RADIL: variants seen among roughly 807,000 people sequenced by gnomAD.
RADIL encodes Rap associating with DIL domain.
RADIL carries 99 observed loss-of-function variants against 97.6 expected under a neutral mutation model. The ratio of observed to expected loss-of-function variants is 1.01; its 90% CI spans 0.86 to 1.20. The LOEUF (loss-of-function observed/expected upper bound fraction) is 1.20, where lower values mean the gene tolerates loss of function less well. Among genes scored for constraint, RADIL ranks in the 50% most tolerant of loss-of-function variants. RADIL has a pLI of 0.00. For synonymous variants in RADIL, 803 were observed against 691.8 expected (o/e 1.16, Z -2.52); for missense variants, 1,765 against 1,498.9 (o/e 1.18, Z -2.93).
At chr7:4,860,483 C>T (rs1282078345) in intron 2 of RADIL, 1 of 1,613,952 alleles carries the variant, frequency 6.2e-7, no homozygotes, top group Non-Finnish European at 8.5e-7. Context: ...CTTTTTTAGC[C>T]CTAACCCAAT....
At chr7:4,803,389 C>T (rs1441698163) in intron 11 of RADIL, among the ~76,000 whole-genome samples, 157 bp downstream of exon 11, 2 of 124,236 alleles carry the variant, frequency 1.6e-5, no homozygotes, top group Non-Finnish European at 3.3e-5. Context: ...GCCCCCTCCC[C>T]GGGCACCTCG....
chr7:4,817,181 T>G lies in RADIL; in HGVS notation c.1728+58A>C. The G allele has an allele frequency of 6.7e-7, 1 of 1,484,834 alleles. No homozygotes were observed. Among genetic ancestry groups the G allele is most frequent in the Non-Finnish European group, 9.3e-7 (1 of 1,077,396 alleles). The allele number at this position is 1,484,834 out of a possible 1,614,324, so 92.0% of individuals were successfully genotyped here. ...CTTAGGAGAGCCACAGGCACAAGCT[T>G]GAGCCCCACTTGATCCCAGGAGCTG... On this transcript the variant is annotated intron_variant, in intron 7 of 14. Coordinates refer to ENST00000399583, the MANE Select transcript of RADIL (RefSeq NM_018059.5). This position sits in a 1 kb window ranked among gnomAD's most constrained non-coding sequence, Gnocchi z 8.3.
intron 9 of RADIL, chr7:4,809,541 C>G (rs947087832): frequency 1.0e-6 from 1 of 985,460 alleles, no homozygotes; most frequent in Non-Finnish European, 1.2e-6. Flanking sequence ...CTCGGGAGCC[C>G]CCAGGCCCGC....
At chr7:4,861,750 A>G (rs1784007884) in intron 2 of RADIL, 1 of 1,504,996 alleles carries the variant, frequency 6.6e-7, no homozygotes, top group Non-Finnish European at 8.9e-7. Flanking sequence ...GAGACGCCGT[A>G]GCGATTCGGC....
intron 10 of RADIL, chr7:4,803,968 T>C (rs1262559355): frequency 6.1e-6 from 4 of 651,808 alleles, no homozygotes; most frequent in Non-Finnish European, 1.1e-5. Flanking sequence ...CGGTGTGACA[T>C]CCGAGCAGTT....
At chr7:4,806,947 C>T (rs1782328855) in intron 9 of RADIL, among the ~76,000 whole-genome samples, 1 of 152,178 alleles carries the variant, frequency 6.6e-6, no homozygotes, top group Non-Finnish European at 1.5e-5. Flanking sequence ...CTGCACCCAT[C>T]GTCCTGCAGC....
chr7:4,874,834 G>T (rs1490988697), intron 2 of RADIL, among the ~76,000 whole-genome samples: 1 of 152,152 alleles, frequency 6.6e-6, no homozygotes, highest in East Asian at 1.9e-4. Context: ...AAGGTGGGCA[G>T]ATCACCTGAG....
At position 4,799,299 on chromosome 7, in the gene RADIL, A is replaced by G. The variant is rs1781995606; in HGVS notation, c.*79T>C. 2 of 1,433,256 alleles carry G rather than the reference A, an allele frequency of 1.4e-6. No homozygotes were observed. The highest frequency in any genetic ancestry group is 9.7e-7 in the Non-Finnish European group (1 of 1,027,578). The allele number at this position is 1,433,256 out of a possible 1,614,324, so 88.8% of individuals were successfully genotyped here. Reference sequence around the variant, plus strand: ...GACCCAACTTGGTCAGTTACAAAACAGGGACGAAGGCGGGAGGAAGCCCAG... The same window carrying G: ...GACCCAACTTGGTCAGTTACAAAACGGGGACGAAGGCGGGAGGAAGCCCAG... On this transcript the variant is annotated 3_prime_UTR_variant, in exon 15 of 15. Transcript: ENST00000399583.
rs1001098475 is a variant in RADIL at position 4,879,237 on chromosome 7, G to A, written c.-64-1034C>T. Among the ~76,000 whole-genome samples, 2 of 152,248 alleles carry A rather than the reference G, an allele frequency of 1.3e-5. No homozygotes were observed. The highest frequency in any genetic ancestry group is 2.1e-4 in the South Asian group (1 of 4,830). On this transcript the variant is annotated intron_variant, in intron 1 of 14. Transcript: ENST00000399583. This position sits in a 1 kb window ranked among gnomAD's most constrained non-coding sequence, Gnocchi z 4.1. ...GAAACGGGAAAACAGCCTGGGACGC[G>A]TTGGCGTGTCATACAATCACACTTC... is the stretch of plus-strand genomic sequence containing the variant.
intron 2 of RADIL, chr7:4,860,730 T>G: frequency 6.2e-7 from 1 of 1,614,170 alleles, no homozygotes; most frequent in South Asian, 1.1e-5. Flanking sequence ...TCAAAGAGTT[T>G]GGACCACTCT....
intron 2 of RADIL, chr7:4,860,904 G>A: frequency 6.2e-7 from 1 of 1,614,154 alleles, no homozygotes; most frequent in Non-Finnish European, 8.5e-7. Context: ...TTTACTCTTG[G>A]GTCCCATACA....
Position 4,803,734 on chromosome 7 carries a change from C to T in RADIL, c.2311G>A (p.Glu771Lys), listed in dbSNP as rs778399445. 5.8e-6 allele frequency: 9 copies of T among 1,565,008 alleles called. No individual in the cohort carries two copies. In the East Asian group the frequency reaches 7.2e-5, roughly 12 times the overall value. ...GGCAGGACGATGGGTGGGGGGTTTT[C>T]GTAGGACTCCAGAACATCCTCTGCA... ...FRSEDVLESYENPPPIVLPSD... is the reference protein window; with the variant it reads ...FRSEDVLESYKNPPPIVLPSD... The change falls in exon 11 of 15, where the codon GAA (glutamate) becomes AAA (lysine). Residue 771 changes from glutamate to lysine, a missense_variant. Coordinates refer to ENST00000399583, the MANE Select transcript of RADIL (RefSeq NM_018059.5).
intron 2 of RADIL, among the ~76,000 whole-genome samples, chr7:4,852,474 G>T (rs956716191): frequency 6.6e-6 from 1 of 152,038 alleles, no homozygotes; most frequent in African/African-American, 2.4e-5. Context: ...ATTGAGACAG[G>T]GTCTAGCTCT....
rs370758716 is a variant in RADIL, at chr7:4,821,386, G to A, written c.1615+1008C>T. 2.4e-4 allele frequency among the ~76,000 whole-genome samples: 37 copies of A among 152,288 alleles called. 1 individual carries two copies. The highest frequency in any genetic ancestry group is 8.4e-4 in the African/African-American group (35 of 41,560). ...CTCACTTCCGCAGCACAGCAGCACA[G>A]TCCTGCTGCCCCGTCTGGCTCCATT... On this transcript the variant is annotated intron_variant, in intron 6 of 14. Coordinates refer to ENST00000399583, the MANE Select transcript of RADIL (RefSeq NM_018059.5). This position sits in a 1 kb window ranked among gnomAD's most constrained non-coding sequence, Gnocchi z 5.2.
Position 4,873,774 on chromosome 7 carries a change from T to C in RADIL, c.535+3831A>G, listed in dbSNP as rs1284798515. The stretch of plus-strand genomic sequence containing the variant: ...GGGAGGCGCAGGACAGGCGGGCTGC[T>C]GGAAGGCGCAGAGCTCACCATCACC... On this transcript the variant is annotated intron_variant, in intron 2 of 14. Coordinates refer to ENST00000399583, the MANE Select transcript of RADIL (RefSeq NM_018059.5). This position sits in a 1 kb window ranked among gnomAD's most constrained non-coding sequence, Gnocchi z 4.3. Among the ~76,000 whole-genome samples the C allele has an allele frequency of 6.6e-6, 1 of 152,136 alleles. No homozygotes were observed. The highest frequency in any genetic ancestry group is 1.5e-5 in the Non-Finnish European group (1 of 68,024).
rs1260506721 is a variant in RADIL, at chr7:4,814,218, G to T, written c.2139+1060C>A. ...AAGCATTGCTTTACTTCTGTTTAGT[G>T]ATACTGTAGGAGAAGCAAACTAAAT... On this transcript the variant is annotated intron_variant, in intron 9 of 14. Transcript: ENST00000399583. This position sits in a 1 kb window ranked among gnomAD's most constrained non-coding sequence, Gnocchi z 4.5. Among the ~76,000 whole-genome samples, 3 of 152,194 alleles carry T rather than the reference G, an allele frequency of 2.0e-5. No individual in the cohort carries two copies. The highest frequency in any genetic ancestry group is 4.4e-5 in the Non-Finnish European group (3 of 68,034).
At chr7:4,846,296 G>A (rs1783570734) in intron 2 of RADIL, among the ~76,000 whole-genome samples, 1 of 151,814 alleles carries the variant, frequency 6.6e-6, no homozygotes, top group African/African-American at 2.4e-5. Flanking sequence ...ACGGGTGCCT[G>A]CCTCCATGCC....
chr7:4,861,725 A>G (rs1562455035), intron 2 of RADIL: 1 of 1,540,912 alleles, frequency 6.5e-7, no homozygotes. Flanking sequence ...GGGGACCGCT[A>G]GACTGATAGG....
In RADIL at chr7:4,835,059, C is replaced by T. The variant is rs906532598; in HGVS notation, c.964G>A (p.Gly322Arg). The change falls in exon 4 of 15, where the codon GGG (glycine) becomes AGG (arginine). Residue 322 changes from glycine (G) to arginine (R), a missense_variant. Coordinates refer to ENST00000399583, the MANE Select transcript of RADIL (RefSeq NM_018059.5). This position sits in a 1 kb window ranked among gnomAD's most constrained non-coding sequence, Gnocchi z 5.8. ...GAGAAGTTGACGGAGATGTGCGCCCCGGGGATGGGCTCCAGGACCAGCCTC... is the reference window on the plus strand; with the variant it reads ...GAGAAGTTGACGGAGATGTGCGCCCTGGGGATGGGCTCCAGGACCAGCCTC... Reference protein sequence around the residue: ...AGRLVLEPIPGAHISVNFSEV... With the variant: ...AGRLVLEPIPRAHISVNFSEV... The T allele has an allele frequency of 2.5e-6, 4 of 1,607,712 alleles. No homozygotes were observed. Among genetic ancestry groups the T allele is most frequent in the African/African-American group, 2.7e-5 (2 of 74,800 alleles).
Sources: gnomAD v4.1 joint callset for allele counts (sites outside exome capture counted in the v4.1 genomes callset) on GRCh38, gnomAD v4.1.1 for gene constraint, Gnocchi (gnomAD v3.1) non-coding constraint, MANE v1.5 for transcripts, NCBI Gene and HGNC (gene_info 2026-07-23, HGNC 2026-07-21) for gene names.